Variants in OR2B6 observed in about 807,000 individuals in gnomAD.
OR2B6 encodes olfactory receptor 2B6.
For synonymous variants in OR2B6, 130 were observed against 142.7 expected, an observed-to-expected ratio of 0.91 and a Z score of 0.63; for missense variants, 350 against 368.9, an observed-to-expected ratio of 0.95 and a Z score of 0.42.
Position 27,957,863 on chromosome 6 carries a change from T to C in OR2B6, c.623T>C (p.Leu208Pro). Residue 208 changes from leucine (L) to proline (P), a missense_variant, in exon 1 of 1, where the codon CTA becomes CCA. Coordinates refer to ENST00000244623, the MANE Select transcript of OR2B6 (RefSeq NM_012367.1). ...ELFLVSELFH[L>P]IPLTLILISY... ...TTCCTTGTCAGTGAGCTCTTCCATC[T>C]AATACCCCTGACACTCATCCTTATA... 2 of 1,614,112 alleles carry C rather than the reference T, an allele frequency of 1.2e-6. No homozygotes were observed. The highest frequency in any genetic ancestry group is 8.5e-7 in the Non-Finnish European group (1 of 1,179,980).
chr6:27,957,577 C>A lies in OR2B6; in HGVS notation c.337C>A (p.Leu113Ile). 6.2e-7 allele frequency: 1 copy of A among 1,614,056 alleles called. No individual in the cohort carries two copies. Among genetic ancestry groups the A allele is most frequent in the Non-Finnish European group, 8.5e-7 (1 of 1,179,986 alleles). The change falls in exon 1 of 1, where the codon CTT becomes ATT. Residue 113 changes from leucine (L) to isoleucine (I), a missense_variant. Transcript: ENST00000244623. ...IFLALGATEY[L>I]LLAVMSFDRF... is the part of the protein sequence containing the mutation. ...TCTGGCCTTGGGGGCTACTGAATAT[C>A]TTCTCCTGGCCGTCATGTCCTTTGA...
At position 27,957,824 on chromosome 6, in the gene OR2B6, A is replaced by T. The variant is rs374107718; in HGVS notation, c.584A>T (p.Asn195Ile). ...TTATCTTGTGTTGAGACAACAGCAA[A>T]TGAGGCTGAACTATTCCTTGTCAGT... ...LKLSCVETTANEAELFLVSEL... is the reference protein window; with the variant it reads ...LKLSCVETTAIEAELFLVSEL... The change falls in exon 1 of 1, where the codon AAT becomes ATT. Residue 195 changes from asparagine to isoleucine, a missense_variant. By Grantham distance (149) the Asn-to-Ile change is moderately radical. Transcript: ENST00000244623. 2.5e-6 allele frequency: 4 copies of T among 1,614,126 alleles called. No homozygotes were observed. The African/African-American group carries it at 5.3e-5, about 22-fold the overall frequency.
At position 27,957,610 on chromosome 6, in the gene OR2B6, G is replaced by A. The variant is rs1762760065; in HGVS notation, c.370G>A (p.Val124Ile). 1 of 1,614,034 alleles carries A rather than the reference G, an allele frequency of 6.2e-7. No individual in the cohort carries two copies. The highest frequency in any genetic ancestry group is 1.1e-5 in the South Asian group (1 of 91,074). ...GGCCGTCATGTCCTTTGATAGGTTT[G>A]TAGCTATTTGTCGGCCTCTCCATTA... Reference protein sequence around the residue: ...LLAVMSFDRFVAICRPLHYSV... With the variant: ...LLAVMSFDRFIAICRPLHYSV... Residue 124 changes from valine to isoleucine, a missense_variant, in exon 1 of 1, where the codon GTA becomes ATA. Val to Ile is a conservative substitution (Grantham distance 29). Coordinates refer to ENST00000244623, the MANE Select transcript of OR2B6 (RefSeq NM_012367.1).
chr6:27,957,925 C>G lies in OR2B6; in HGVS notation c.685C>G (p.Gln229Glu), dbSNP rs1488799723. ...TATTGTCCGAGCAGTATTGAGGATA[C>G]AGTCTGCTGAAGGTCGACAAAAAGC... ...AFIVRAVLRI[Q>E]SAEGRQKAFG... The change falls in exon 1 of 1, where the codon CAG becomes GAG. Residue 229 changes from glutamine (Q) to glutamate (E), a missense_variant. Gln to Glu is a conservative substitution (Grantham distance 29). Transcript: ENST00000244623. 1.9e-6 allele frequency: 3 copies of G among 1,613,938 alleles called. No homozygotes were observed. The highest frequency in any genetic ancestry group is 2.5e-6 in the Non-Finnish European group (3 of 1,179,976).
At position 27,957,461 on chromosome 6, in the gene OR2B6, C is replaced by T. The variant is rs1203119758; in HGVS notation, c.221C>T (p.Thr74Ile). 1.2e-6 allele frequency: 2 copies of T among 1,614,038 alleles called. No homozygotes were observed. The highest frequency in any genetic ancestry group is 8.5e-7 in the Non-Finnish European group (1 of 1,179,940). ...TNLSLLDLCY[T>I]TCTVPQMLVN... ...CTATCACTCCTGGATCTTTGTTACACCACATGTACAGTCCCACAAATGCTA... is the reference window on the plus strand; with the variant it reads ...CTATCACTCCTGGATCTTTGTTACATCACATGTACAGTCCCACAAATGCTA... Residue 74 changes from threonine to isoleucine, a missense_variant, in exon 1 of 1, where the codon ACC (threonine) becomes ATC (isoleucine). By Grantham distance (89) the Thr-to-Ile change is moderately conservative. Coordinates refer to ENST00000244623, the MANE Select transcript of OR2B6 (RefSeq NM_012367.1).
rs1169226709 is a variant in OR2B6 at position 27,957,536 on chromosome 6, C to G, written c.296C>G (p.Ala99Gly). Residue 99 changes from alanine to glycine, a missense_variant, in exon 1 of 1, where the codon GCC (alanine) becomes GGC (glycine). Ala to Gly is a moderately conservative substitution (Grantham distance 60, BLOSUM62 0). Transcript: ENST00000244623. ...RKVISYRGCVAQLFIFLALGA... is the reference protein window; with the variant it reads ...RKVISYRGCVGQLFIFLALGA... The stretch of plus-strand genomic sequence containing the variant: ...GTAATCAGTTATCGTGGCTGTGTAG[C>G]CCAGCTTTTCATATTTCTGGCCTTG... 6.2e-7 allele frequency: 1 copy of G among 1,614,076 alleles called. No individual in the cohort carries two copies. Among genetic ancestry groups the G allele is most frequent in the Non-Finnish European group, 8.5e-7 (1 of 1,180,000 alleles).
chr6:27,957,630 C>G lies in OR2B6; in HGVS notation c.390C>G (p.Leu130=). The G allele has an allele frequency of 6.2e-7, 1 of 1,613,968 alleles. No homozygotes were observed. The highest frequency in any genetic ancestry group is 2.2e-5 in the East Asian group (1 of 44,900). Residue 130 remains leucine (L), a synonymous_variant, in exon 1 of 1, where the codon CTC becomes CTG. Transcript: ENST00000244623. ...GGTTTGTAGCTATTTGTCGGCCTCTCCATTACTCAGTTATCATGCACCAGA... is the reference window on the plus strand; with the variant it reads ...GGTTTGTAGCTATTTGTCGGCCTCTGCATTACTCAGTTATCATGCACCAGA... ...FDRFVAICRP[L]HYSVIMHQRL...
rs1271284036 is a variant in OR2B6, at chr6:27,957,299, G to A, written c.59G>A (p.Arg20Gln). The A allele has an allele frequency of 1.9e-6, 3 of 1,613,720 alleles. No homozygotes were observed. The highest frequency in any genetic ancestry group is 2.5e-6 in the Non-Finnish European group (3 of 1,179,786). The change falls in exon 1 of 1, where the codon CGA (arginine) becomes CAA (glutamine). Residue 20 changes from arginine to glutamine, a missense_variant. Transcript: ENST00000244623. ...TTTATTCTGCTGGGTTTCTCAGATC[G>A]ACCTTGGCTGGAGTTTCCACTCCTT... Reference protein sequence around the residue: ...QEFILLGFSDRPWLEFPLLVV... With the variant: ...QEFILLGFSDQPWLEFPLLVV...
In OR2B6 at chr6:27,957,523, C is replaced by A; in HGVS notation, c.283C>A (p.Arg95Ser). 6.2e-7 allele frequency: 1 copy of A among 1,614,092 alleles called. No individual in the cohort carries two copies. Residue 95 changes from arginine (R) to serine (S), a missense_variant, in exon 1 of 1, where the codon CGT (arginine) becomes AGT (serine). Physicochemically the swap from Arg to Ser is moderately radical, Grantham distance 110 (BLOSUM62 -1). Coordinates refer to ENST00000244623, the MANE Select transcript of OR2B6 (RefSeq NM_012367.1). ...CAGCATCAGGAAAGTAATCAGTTAT[C>A]GTGGCTGTGTAGCCCAGCTTTTCAT... is the stretch of plus-strand genomic sequence containing the variant. ...LCSIRKVISYRGCVAQLFIFL... is the reference protein window; with the variant it reads ...LCSIRKVISYSGCVAQLFIFL...
rs759042211 is a variant in OR2B6, at chr6:27,957,772, C to T, written c.532C>T (p.Leu178Phe). Reference sequence around the variant, plus strand: ...TGACCCCTATGTGATAGATCACTTTCTCTGTGAAGTCCCTGCACTGCTCAA... The same window carrying T: ...TGACCCCTATGTGATAGATCACTTTTTCTGTGAAGTCCCTGCACTGCTCAA... ...LCDPYVIDHF[L>F]CEVPALLKLS... is the part of the protein sequence containing the mutation. Residue 178 changes from leucine (L) to phenylalanine (F), a missense_variant, in exon 1 of 1, where the codon CTC becomes TTC. Leu to Phe is a conservative substitution (Grantham distance 22, BLOSUM62 0). Coordinates refer to ENST00000244623, the MANE Select transcript of OR2B6 (RefSeq NM_012367.1). 3.1e-6 allele frequency: 5 copies of T among 1,614,082 alleles called. No individual in the cohort carries two copies. Among genetic ancestry groups the T allele is most frequent in the Non-Finnish European group, 4.2e-6 (5 of 1,179,986 alleles).
rs1278634684 is a variant in OR2B6 at position 27,957,255 on chromosome 6, T to C, written c.15T>C (p.Asn5=). The C allele has an allele frequency of 1.3e-6, 2 of 1,597,436 alleles. No homozygotes were observed. Among genetic ancestry groups the C allele is most frequent in the Non-Finnish European group, 1.7e-6 (2 of 1,171,422 alleles). ...AAACATTAATCATGAATTGGGTAAA[T>C]GACAGCATCATACAGGAGTTTATTC... MNWV[N]DSIIQEFILL... is the part of the protein sequence containing the mutation. The change falls in exon 1 of 1, where the codon AAT becomes AAC. Residue 5 remains asparagine (N), a synonymous_variant. Coordinates refer to ENST00000244623, the MANE Select transcript of OR2B6 (RefSeq NM_012367.1).
In OR2B6 at chr6:27,957,968, C is replaced by G; in HGVS notation, c.728C>G (p.Ser243Cys). Reference sequence around the variant, plus strand: ...CAAAAAGCATTTGGGACATGTGGTTCCCATCTAATTGTGGTGTCTCTTTTT... The same window carrying G: ...CAAAAAGCATTTGGGACATGTGGTTGCCATCTAATTGTGGTGTCTCTTTTT... The part of the protein sequence containing the change: ...GRQKAFGTCG[S>C]HLIVVSLFYS... The change falls in exon 1 of 1, where the codon TCC (serine) becomes TGC (cysteine). Residue 243 changes from serine (S) to cysteine (C), a missense_variant. Ser to Cys is a moderately radical substitution (Grantham distance 112). Coordinates refer to ENST00000244623, the MANE Select transcript of OR2B6 (RefSeq NM_012367.1). 1 of 1,613,606 alleles carries G rather than the reference C, an allele frequency of 6.2e-7. No homozygotes were observed. Among genetic ancestry groups the G allele is most frequent in the Non-Finnish European group, 8.5e-7 (1 of 1,179,712 alleles).
chr6:27,957,689 T>C lies in OR2B6; in HGVS notation c.449T>C (p.Val150Ala). ...LCLQLAAASW[V>A]TGFSNSVWLS... ...CTCCAGTTGGCAGCTGCATCCTGGG[T>C]TACTGGTTTTAGTAACTCAGTGTGG... The change falls in exon 1 of 1, where the codon GTT becomes GCT. Residue 150 changes from valine to alanine, a missense_variant. Physicochemically the swap from Val to Ala is moderately conservative, Grantham distance 64 (BLOSUM62 0). Coordinates refer to ENST00000244623, the MANE Select transcript of OR2B6 (RefSeq NM_012367.1). The C allele has an allele frequency of 6.2e-7, 1 of 1,614,086 alleles. No individual in the cohort carries two copies. The highest frequency in any genetic ancestry group is 8.5e-7 in the Non-Finnish European group (1 of 1,179,970).
Position 27,957,793 on chromosome 6 carries a change from C to G in OR2B6, c.553C>G (p.Leu185Val). 1 of 1,614,106 alleles carries G rather than the reference C, an allele frequency of 6.2e-7. No individual in the cohort carries two copies. The highest frequency in any genetic ancestry group is 8.5e-7 in the Non-Finnish European group (1 of 1,179,992). ...CTTTCTCTGTGAAGTCCCTGCACTG[C>G]TCAAGTTATCTTGTGTTGAGACAAC... ...DHFLCEVPAL[L>V]KLSCVETTAN... Residue 185 changes from leucine (L) to valine (V), a missense_variant, in exon 1 of 1, where the codon CTC (leucine) becomes GTC (valine). Leu to Val is a conservative substitution (Grantham distance 32, BLOSUM62 1). Transcript: ENST00000244623.
chr6:27,957,467 G>A lies in OR2B6; in HGVS notation c.227G>A (p.Cys76Tyr), dbSNP rs1438634689. 1.9e-6 allele frequency: 3 copies of A among 1,614,016 alleles called. No individual in the cohort carries two copies. The highest frequency in any genetic ancestry group is 1.7e-5 in the Admixed American group (1 of 59,984). Residue 76 changes from cysteine to tyrosine, a missense_variant, in exon 1 of 1, where the codon TGT (cysteine) becomes TAT (tyrosine). Transcript: ENST00000244623. Reference sequence around the variant, plus strand: ...CTCCTGGATCTTTGTTACACCACATGTACAGTCCCACAAATGCTAGTAAAT... The same window carrying A: ...CTCCTGGATCTTTGTTACACCACATATACAGTCCCACAAATGCTAGTAAAT... ...LSLLDLCYTT[C>Y]TVPQMLVNLC...
chr6:27,957,498 C>T lies in OR2B6; in HGVS notation c.258C>T (p.Cys86=). Reference sequence around the variant, plus strand: ...TCCCACAAATGCTAGTAAATTTATGCAGCATCAGGAAAGTAATCAGTTATC... The same window carrying T: ...TCCCACAAATGCTAGTAAATTTATGTAGCATCAGGAAAGTAATCAGTTATC... ...CTVPQMLVNL[C]SIRKVISYRG... is the part of the protein sequence containing the mutation. The change falls in exon 1 of 1, where the codon TGC becomes TGT. Residue 86 remains cysteine (C), a synonymous_variant. Coordinates refer to ENST00000244623, the MANE Select transcript of OR2B6 (RefSeq NM_012367.1). 3 of 1,614,078 alleles carry T rather than the reference C, an allele frequency of 1.9e-6. No homozygotes were observed. The South Asian group carries it at 3.3e-5, about 18-fold the overall frequency.
chr6:27,958,010 CTG>C lies in OR2B6; in HGVS notation c.774_775del (p.Tyr259ProfsTer34), dbSNP rs1228028505. The C allele has an allele frequency of 1.2e-6, 2 of 1,613,918 alleles. No individual in the cohort carries two copies. Among genetic ancestry groups the C allele is most frequent in the Non-Finnish European group, 1.7e-6 (2 of 1,179,988 alleles). ...TCTCTTTTTTATAGTACAGCCGTCT[CTG>C]TGTACCTGCAACCACCTTCGCCCAG... is the stretch of plus-strand genomic sequence containing the variant. On this transcript the variant is annotated frameshift_variant, in exon 1 of 1. Coordinates refer to ENST00000244623, the MANE Select transcript of OR2B6 (RefSeq NM_012367.1). LOFTEE classifies it low-confidence loss of function (END_TRUNC).
rs764756142 is a variant in OR2B6 at position 27,957,780 on chromosome 6, A to T, written c.540A>T (p.Glu180Asp). 3.1e-6 allele frequency: 5 copies of T among 1,613,972 alleles called. No homozygotes were observed. The South Asian group carries it at 4.4e-5, about 14-fold the overall frequency. Reference protein sequence around the residue: ...DPYVIDHFLCEVPALLKLSCV... With the variant: ...DPYVIDHFLCDVPALLKLSCV... ...ATGTGATAGATCACTTTCTCTGTGA[A>T]GTCCCTGCACTGCTCAAGTTATCTT... Residue 180 changes from glutamate to aspartate, a missense_variant, in exon 1 of 1, where the codon GAA (glutamate) becomes GAT (aspartate). Glu to Asp is a conservative substitution (Grantham distance 45). Coordinates refer to ENST00000244623, the MANE Select transcript of OR2B6 (RefSeq NM_012367.1).
rs1762763487 is a variant in OR2B6 at position 27,957,724 on chromosome 6, C to A, written c.484C>A (p.Leu162Met). The change falls in exon 1 of 1, where the codon CTG becomes ATG. Residue 162 changes from leucine (L) to methionine (M), a missense_variant. Transcript: ENST00000244623. ...GFSNSVWLSTLTLQLPLCDPY... is the reference protein window; with the variant it reads ...GFSNSVWLSTMTLQLPLCDPY... ...TAGTAACTCAGTGTGGTTGTCTACC[C>A]TGACTCTCCAGCTGCCACTCTGTGA... The A allele has an allele frequency of 2.0e-5, 33 of 1,614,086 alleles. No homozygotes were observed. The highest frequency in any genetic ancestry group is 2.8e-5 in the Non-Finnish European group (33 of 1,179,990).
Sources: allele counts gnomAD v4.1 joint callset, GRCh38; gene constraint gnomAD v4.1.1; transcripts MANE v1.5; gene names NCBI Gene and HGNC (gene_info 2026-07-23, HGNC 2026-07-21).